Variants in KIF1A observed in about 807,000 individuals in gnomAD.
The protein encoded by KIF1A is kinesin-like protein KIF1A.
KIF1A carries 46 observed loss-of-function variants against 227.3 expected under a neutral mutation model. That is an observed-to-expected ratio of 0.20 (90% CI 0.16 to 0.26). The LOEUF is 0.26. Ranked by LOEUF, KIF1A falls within the 10% of genes least tolerant of loss-of-function variation. KIF1A has a pLI of 1.00. For missense variants in KIF1A, 1,683 were observed against 2,485.9 expected, an observed-to-expected ratio of 0.68 and a Z score of 6.87; for synonymous variants, 1,022 against 1,012.8, an observed-to-expected ratio of 1.01 and a Z score of -0.17.
At chr2:240,730,523 T>C (rs2046482307) in intron 38 of KIF1A, among the ~76,000 whole-genome samples, 1 of 152,024 alleles carries the variant, frequency 6.6e-6, no homozygotes, top group Non-Finnish European at 1.5e-5. Flanking sequence ...CTCAGAATCA[T>C]CACAAGAGGA....
rs1337357545 is a variant in KIF1A at position 240,740,941 on chromosome 2, A to G, written c.3749+328T>C. On this transcript the variant is annotated intron_variant, in intron 35 of 48. Transcript: ENST00000498729. This position sits in a 1 kb window ranked among gnomAD's most constrained non-coding sequence, Gnocchi z 6.1. Reference sequence around the variant, plus strand: ...TCCCACCTCCCTCAAAAGTCCCTTGATCACTTTGTAAGTGCTGTCTGCCTC... The same window carrying G: ...TCCCACCTCCCTCAAAAGTCCCTTGGTCACTTTGTAAGTGCTGTCTGCCTC... 6.6e-6 allele frequency among the ~76,000 whole-genome samples: 1 copy of G among 151,690 alleles called. No individual in the cohort carries two copies. Among genetic ancestry groups the G allele is most frequent in the Admixed American group, 6.6e-5 (1 of 15,262 alleles).
At chr2:240,728,433 GAC>G in intron 38 of KIF1A, 1 of 1,295,486 alleles carries the variant, frequency 7.7e-7, no homozygotes, top group Non-Finnish European at 1.0e-6. Context: ...AGGCAGCCAG[GAC>G]ACACACGTAC....
At chr2:240,761,140 A>C (rs1370966203) in intron 24 of KIF1A, 89 bp downstream of exon 24, 6 of 1,443,154 alleles carry the variant, frequency 4.2e-6, no homozygotes, top group Non-Finnish European at 5.7e-6. Flanking sequence ...GCAGAGAGCC[A>C]AGTGCTGAGT....
chr2:240,794,887 GC>G (rs143760639), intron 2 of KIF1A, among the ~76,000 whole-genome samples: 204 of 152,260 alleles, frequency 1.3e-3, no homozygotes, highest in African/African-American at 4.4e-3. Flanking sequence ...TGTTGTTTGG[GC>G]TCTGTGGCTC....
intron 42 of KIF1A, 112 bp downstream of exon 42, chr2:240,723,301 G>A: frequency 1.9e-6 from 2 of 1,075,242 alleles, no homozygotes; most frequent in Non-Finnish European, 2.6e-6. Context: ...CTCCCAAGCA[G>A]CTGTGCTGCC....
chr2:240,752,909 C>A lies in KIF1A; in HGVS notation c.2859-2362G>T, dbSNP rs1047515299. ...GGGGTTCCTGAATCCATTGGCGCAG[C>A]TCACAGGAAGGAGAGGCTAGAGCTG... On this transcript the variant is annotated intron_variant, in intron 27 of 48. Transcript: ENST00000498729. The surrounding 1 kb of genome is among the most constrained non-coding windows in gnomAD (Gnocchi z 6.4). 6.6e-6 allele frequency among the ~76,000 whole-genome samples: 1 copy of A among 152,190 alleles called. No individual in the cohort carries two copies. Among genetic ancestry groups the A allele is most frequent in the African/African-American group, 2.4e-5 (1 of 41,448 alleles).
chr2:240,718,041 C>T lies in KIF1A; in HGVS notation c.5333+9G>A, dbSNP rs758682729. On this transcript the variant is annotated intron_variant, in intron 48 of 48. Coordinates refer to ENST00000498729, the MANE Select transcript of KIF1A (RefSeq NM_001244008.2). ...CATGGCAGCAACCTCGCCCTGCAGG[C>T]GGCCCTACCGTATGGTCCCGGCCAG... The T allele has an allele frequency of 6.3e-7, 1 of 1,577,512 alleles. No individual in the cohort carries two copies.
intron 7 of KIF1A, 66 bp downstream of exon 7, chr2:240,784,923 C>G: frequency 7.4e-7 from 1 of 1,352,110 alleles, no homozygotes; most frequent in Non-Finnish European, 1.1e-6. Flanking sequence ...CTGGCCTGAC[C>G]ACCACCCCTA....
chr2:240,722,880 T>C (rs2045573363), intron 42 of KIF1A, among the ~76,000 whole-genome samples: 1 of 152,162 alleles, frequency 6.6e-6, no homozygotes, highest in African/African-American at 2.4e-5. Context: ...GCCACCTTCA[T>C]GGGCAGCAAG....
intron 27 of KIF1A, 107 bp from the exon 28 acceptor site, chr2:240,750,654 C>T: frequency 1.2e-6 from 1 of 820,458 alleles, no homozygotes; most frequent in African/African-American, 1.7e-5. Context: ...AGCTGCAAAG[C>T]AGAGGGAAGC....
rs1289498670 is a variant in KIF1A at position 240,717,132 on chromosome 2, A to T, written c.*232T>A. ...GCCCTTGGCCCCCCCAGCCTCTCCCAACTTGTTCCACCAGAGCACATTCTG... is the reference window on the plus strand; with the variant it reads ...GCCCTTGGCCCCCCCAGCCTCTCCCTACTTGTTCCACCAGAGCACATTCTG... On this transcript the variant is annotated 3_prime_UTR_variant, in exon 49 of 49. Transcript: ENST00000498729. The T allele has an allele frequency of 2.1e-6, 1 of 483,982 alleles. No individual in the cohort carries two copies. The highest frequency in any genetic ancestry group is 3.7e-6 in the Non-Finnish European group (1 of 272,336). The allele number at this position is 483,982 out of a possible 1,614,324, so 30.0% of individuals were successfully genotyped here.
chr2:240,805,885 T>A (rs2057365072), intron 1 of KIF1A, among the ~76,000 whole-genome samples: 1 of 151,868 alleles, frequency 6.6e-6, no homozygotes, highest in South Asian at 2.1e-4. Context: ...AAAGGAAAAA[T>A]CATGATGAAA....
At chr2:240,803,985 G>A (rs764552875) in intron 1 of KIF1A, among the ~76,000 whole-genome samples, 2 of 152,112 alleles carry the variant, frequency 1.3e-5, no homozygotes, top group Non-Finnish European at 2.9e-5. Context: ...TTTCCTGCCC[G>A]GGTCAGGCGT....
chr2:240,790,152 T>C lies in KIF1A; in HGVS notation c.107-840A>G, dbSNP rs2055483865. Among the ~76,000 whole-genome samples, 1 of 152,132 alleles carries C rather than the reference T, an allele frequency of 6.6e-6. No individual in the cohort carries two copies. Among genetic ancestry groups the C allele is most frequent in the African/African-American group, 2.4e-5 (1 of 41,436 alleles). On this transcript the variant is annotated intron_variant, in intron 2 of 48. Coordinates refer to ENST00000498729, the MANE Select transcript of KIF1A (RefSeq NM_001244008.2). This position sits in a 1 kb window ranked among gnomAD's most constrained non-coding sequence, Gnocchi z 5.0. ...ACGGGCCTGGACCCTGCAGACTGCATGTCCTCAGTGGCCGGAAGGACAGGA... is the reference window on the plus strand; with the variant it reads ...ACGGGCCTGGACCCTGCAGACTGCACGTCCTCAGTGGCCGGAAGGACAGGA...
chr2:240,785,197 G>C, intron 6 of KIF1A, 97 bp from the exon 7 acceptor site: 1 of 1,009,410 alleles, frequency 9.9e-7, no homozygotes, highest in Admixed American at 1.9e-5. Flanking sequence ...CATCGGGGGG[G>C]GCAGTTCCCC....
chr2:240,812,924 A>T (rs112813828), intron 1 of KIF1A, among the ~76,000 whole-genome samples: 188 of 46,290 alleles, frequency 4.1e-3, no homozygotes, highest in Non-Finnish European at 4.8e-3. Flanking sequence ...CTCGGGGATC[A>T]GCCTTCACCT....
intron 1 of KIF1A, among the ~76,000 whole-genome samples, chr2:240,816,022 T>G (rs1575683161): frequency 6.6e-6 from 1 of 151,566 alleles, no homozygotes; most frequent in African/African-American, 2.4e-5. Context: ...ATCTGAGGGG[T>G]AGGGGTGACA....
intron 25 of KIF1A, among the ~76,000 whole-genome samples, chr2:240,759,894 G>A (rs1244951114): frequency 6.6e-6 from 1 of 152,046 alleles, no homozygotes; most frequent in East Asian, 1.9e-4. Context: ...CTCCATTCCT[G>A]TGGTCCCAGC....
At chr2:240,734,891 A>G (rs1296575268) in intron 38 of KIF1A, 1 of 547,922 alleles carries the variant, frequency 1.8e-6, no homozygotes, top group African/African-American at 2.0e-5. Flanking sequence ...GGGAGCGGGC[A>G]GGAGGCAAGG....
Sources: allele counts gnomAD v4.1 joint callset (sites outside exome capture counted in the v4.1 genomes callset), GRCh38; gene constraint gnomAD v4.1.1; non-coding constraint Gnocchi (gnomAD v3.1); transcripts MANE v1.5; gene names NCBI Gene and HGNC (gene_info 2026-07-23, HGNC 2026-07-21).